ERC2: variants seen among roughly 807,000 people sequenced by gnomAD.
ERC2 encodes the protein ELKS/RAB6-interacting/CAST family member 2.
In ERC2, 42 loss-of-function variants were observed where a neutral mutation model predicts 114.8. That is an observed-to-expected ratio of 0.37 (90% confidence interval 0.29 to 0.47). ERC2 has a LOEUF of 0.47. ERC2 is among the 20% of genes least tolerant of loss of function. The probability of loss-of-function intolerance (pLI) is 0.99; values close to 1 mark genes in which losing one functional copy is unlikely to be tolerated. For missense variants in ERC2, 939 were observed against 1,150.7 expected, an observed-to-expected ratio of 0.82 and a Z score of 2.66; for synonymous variants, 454 against 425.5, an observed-to-expected ratio of 1.07 and a Z score of -0.82.
At chr3:55,866,444 G>A (rs2062318996) in intron 14 of ERC2, among the ~76,000 whole-genome samples, 1 of 152,050 alleles carries the variant, frequency 6.6e-6, no homozygotes, top group Admixed American at 6.6e-5. Context: ...AGTATCGTTT[G>A]TAGCACAAAA....
At chr3:56,003,019 A>G in intron 10 of ERC2, 1 of 1,063,496 alleles carries the variant, frequency 9.4e-7, no homozygotes, top group South Asian at 1.3e-5. Flanking sequence ...AAACCTCCCC[A>G]GTATGGCACA....
intron 6 of ERC2, 25 bp downstream of exon 6, chr3:56,139,484 C>A (rs370709802): frequency 1.1e-5 from 18 of 1,598,894 alleles, no homozygotes; most frequent in Non-Finnish European, 1.5e-5. Context: ...TCTCTGCTGT[C>A]TAGAATCCTG....
intron 16 of ERC2, among the ~76,000 whole-genome samples, chr3:55,684,320 A>ATG (rs2062216024): frequency 2.1e-5 from 3 of 142,798 alleles, no homozygotes; most frequent in Non-Finnish European, 1.6e-5. Flanking sequence ...ACACACACAC[A>ATG]CGCACACACA....
intron 17 of ERC2, among the ~76,000 whole-genome samples, chr3:55,630,856 T>G (rs358915): frequency 0.94 from 142,741 of 152,204 alleles, 66,986 homozygotes; most frequent in East Asian, 1. Context: ...ACCCAGAGTA[T>G]CCGGGCTGTG....
At chr3:56,287,834 C>G (rs1312431780) in intron 3 of ERC2, among the ~76,000 whole-genome samples, 1 of 152,150 alleles carries the variant, frequency 6.6e-6, no homozygotes, top group Non-Finnish European at 1.5e-5. Context: ...TCAACTTCCC[C>G]ACCTGAGAGG....
rs142126042 is a variant in ERC2 at position 56,031,926 on chromosome 3, G to T, written c.1642-12895C>A. ...TGAAATTTGATCCTCAATCTTGGAG[G>T]TGGAGCCTAATGGGAGGTGTTTCAG... is the stretch of plus-strand genomic sequence containing the variant. On this transcript the variant is annotated intron_variant, in intron 7 of 17. Transcript: ENST00000288221. Among the ~76,000 whole-genome samples the T allele has an allele frequency of 6.5e-3, 986 of 152,272 alleles. 8 individuals are homozygous for T. Among genetic ancestry groups the T allele is most frequent in the African/African-American group, 0.022 (915 of 41,560 alleles).
intron 10 of ERC2, among the ~76,000 whole-genome samples, chr3:55,996,698 AG>A (rs1382284342): frequency 2.6e-5 from 4 of 152,212 alleles, no homozygotes; most frequent in African/African-American, 9.6e-5. Context: ...TGATGTGGGC[AG>A]GCCTCTGGGT....
chr3:56,226,637 G>A (rs536294745), intron 3 of ERC2, among the ~76,000 whole-genome samples: 1 of 152,164 alleles, frequency 6.6e-6, no homozygotes, highest in Admixed American at 6.5e-5. Flanking sequence ...TGATGAGATA[G>A]TACAAGGCAC....
At chr3:55,927,566 C>T (rs868093762) in intron 13 of ERC2, among the ~76,000 whole-genome samples, 2 of 152,148 alleles carry the variant, frequency 1.3e-5, no homozygotes, top group African/African-American at 4.8e-5. Context: ...GTATCTATCA[C>T]CTCAAGCATT....
At chr3:55,806,112 A>G (rs1256485805) in intron 14 of ERC2, among the ~76,000 whole-genome samples, 1 of 152,170 alleles carries the variant, frequency 6.6e-6, no homozygotes, top group East Asian at 1.9e-4. Context: ...AGGTGCGCAG[A>G]TCAATTGAGG....
chr3:55,956,997 G>A (rs748356203), intron 12 of ERC2, among the ~76,000 whole-genome samples: 4 of 151,918 alleles, frequency 2.6e-5, no homozygotes, highest in Non-Finnish European at 5.9e-5. Flanking sequence ...ATCTCACAAC[G>A]CCAACATACT....
intron 1 of ERC2, among the ~76,000 whole-genome samples, chr3:56,459,838 T>C (rs1437430441): frequency 6.6e-6 from 1 of 152,214 alleles, no homozygotes; most frequent in Admixed American, 6.5e-5. Context: ...TTAATTTTGT[T>C]GAGTGCTGAT....
intron 17 of ERC2, among the ~76,000 whole-genome samples, chr3:55,544,107 T>A (rs567476330): frequency 6.6e-6 from 1 of 152,070 alleles, no homozygotes; most frequent in Non-Finnish European, 1.5e-5. Flanking sequence ...CCGATGGGGA[T>A]GAGAGTGATG....
chr3:55,583,801 T>A (rs2057446650), intron 17 of ERC2, among the ~76,000 whole-genome samples: 1 of 151,442 alleles, frequency 6.6e-6, no homozygotes, highest in East Asian at 2.0e-4. Context: ...GCTCACTGAG[T>A]TGCTTTTCCC....
At chr3:55,608,054 C>T (rs1230524760) in intron 17 of ERC2, 1 of 152,114 alleles carries the variant, frequency 6.6e-6, no homozygotes, top group Non-Finnish European at 1.5e-5. Context: ...GAATATTGCC[C>T]AGGACTCTAG....
intron 2 of ERC2, among the ~76,000 whole-genome samples, chr3:56,325,211 G>A (rs1038748772): frequency 3.9e-5 from 6 of 152,068 alleles, no homozygotes; most frequent in African/African-American, 1.4e-4. Flanking sequence ...TTGGGAGGCC[G>A]AGATGGGTGG....
chr3:56,402,768 T>G (rs2060568793), intron 2 of ERC2, among the ~76,000 whole-genome samples: 1 of 152,350 alleles, frequency 6.6e-6, no homozygotes, highest in Admixed American at 6.5e-5. Flanking sequence ...GTATTTTTTT[T>G]CTGGGAATTG....
At chr3:55,645,046 C>T (rs2060335845) in intron 17 of ERC2, among the ~76,000 whole-genome samples, 1 of 152,048 alleles carries the variant, frequency 6.6e-6, no homozygotes, top group African/African-American at 2.4e-5. Flanking sequence ...AAACTGGAAC[C>T]TGGAAGAGGG....
chr3:56,306,001 C>T (rs898275712), intron 2 of ERC2, among the ~76,000 whole-genome samples: 1 of 152,106 alleles, frequency 6.6e-6, no homozygotes, highest in Non-Finnish European at 1.5e-5. Flanking sequence ...AGGCATGCAC[C>T]ACCATGCTGG....
Sources: gnomAD v4.1 joint callset for allele counts (sites outside exome capture counted in the v4.1 genomes callset) on GRCh38, gnomAD v4.1.1 for gene constraint, MANE v1.5 for transcripts, NCBI Gene and HGNC (gene_info 2026-07-23, HGNC 2026-07-21) for gene names.